MAP3K5: variants seen among roughly 807,000 people sequenced by gnomAD.
MAP3K5 encodes ASK-1.
In MAP3K5, 56 loss-of-function variants were observed where a neutral mutation model predicts 158.7. The ratio of observed to expected loss-of-function variants is 0.35; its 90% CI spans 0.28 to 0.44. MAP3K5 has a LOEUF of 0.44. MAP3K5 is among the 20% of genes least tolerant of loss of function. MAP3K5 has a pLI of 1.00. For synonymous variants in MAP3K5, 579 were observed against 601.7 expected, an observed-to-expected ratio of 0.96 and a Z score of 0.55; for missense variants, 1,294 against 1,674.8, an observed-to-expected ratio of 0.77 and a Z score of 3.97.
chr6:136,673,709 A>G (rs987177078), intron 7 of MAP3K5, among the ~76,000 whole-genome samples: 17 of 137,838 alleles, frequency 1.2e-4, no homozygotes, highest in African/African-American at 4.8e-4. Context: ...GCAGAGATAT[A>G]GAAAAAAAAA....
intron 12 of MAP3K5, among the ~76,000 whole-genome samples, chr6:136,640,846 G>T (rs796070367): frequency 3.9e-5 from 6 of 152,312 alleles, no homozygotes; most frequent in African/African-American, 1.4e-4. Context: ...TCTCTTCTTT[G>T]TGGAGGAGGA....
chr6:136,667,166 A>G (rs1779263904), intron 8 of MAP3K5, among the ~76,000 whole-genome samples: 2 of 152,040 alleles, frequency 1.3e-5, no homozygotes, highest in Admixed American at 6.5e-5. Context: ...CCTCACCTTG[A>G]GTTAAGAACA....
At chr6:136,683,791 T>C (rs555569407) in intron 7 of MAP3K5, among the ~76,000 whole-genome samples, 11 of 152,300 alleles carry the variant, frequency 7.2e-5, no homozygotes, top group Admixed American at 2.0e-4. Flanking sequence ...TCTGGAAATG[T>C]CTATTCCTGG....
intron 1 of MAP3K5, among the ~76,000 whole-genome samples, chr6:136,775,887 T>A (rs1784386053): frequency 6.6e-6 from 1 of 152,268 alleles, no homozygotes. Context: ...CTTCTTGGGC[T>A]ACTTCAAATT....
chr6:136,699,376 C>T (rs1780748452), intron 3 of MAP3K5, among the ~76,000 whole-genome samples: 1 of 152,214 alleles, frequency 6.6e-6, no homozygotes, highest in African/African-American at 2.4e-5. Context: ...CACTCTTGTC[C>T]TCTAATTTAC....
intron 10 of MAP3K5, among the ~76,000 whole-genome samples, chr6:136,652,475 G>C (rs1226707850): frequency 6.6e-6 from 1 of 152,114 alleles, no homozygotes; most frequent in African/African-American, 2.4e-5. Flanking sequence ...GACATAAGCG[G>C]TAATGATGAA....
intron 14 of MAP3K5, among the ~76,000 whole-genome samples, chr6:136,624,904 T>G (rs1776964972): frequency 6.6e-6 from 1 of 152,216 alleles, no homozygotes; most frequent in Non-Finnish European, 1.5e-5. Context: ...GGCTCTGGAT[T>G]TGGCAAGATG....
intron 18 of MAP3K5, among the ~76,000 whole-genome samples, chr6:136,605,830 G>T (rs1305782891): frequency 6.6e-6 from 1 of 152,160 alleles, no homozygotes; most frequent in Non-Finnish European, 1.5e-5. Context: ...TTCCTAAATT[G>T]AATGCTTTAA....
chr6:136,691,609 CAA>C (rs540437204), intron 7 of MAP3K5, among the ~76,000 whole-genome samples: 26,137 of 117,684 alleles, frequency 0.22, 6,139 homozygotes, highest in African/African-American at 0.58. Flanking sequence ...AGATTCGTCT[CAA>C]AAAAAAAAAA....
At chr6:136,698,169 T>G (rs1780687317) in intron 4 of MAP3K5, among the ~76,000 whole-genome samples, 1 of 152,242 alleles carries the variant, frequency 6.6e-6, no homozygotes, top group Non-Finnish European at 1.5e-5. Flanking sequence ...AAAGTTGAAT[T>G]GTTCTTGCCC....
At chr6:136,759,454 CTATATA>C (rs570186848) in intron 1 of MAP3K5, among the ~76,000 whole-genome samples, 2,078 of 98,098 alleles carry the variant, frequency 0.021, 124 homozygotes, top group African/African-American at 0.073. Flanking sequence ...TATACTAAAA[CTATATA>C]TATATATATA....
chr6:136,723,661 A>G (rs1427488903), intron 1 of MAP3K5, among the ~76,000 whole-genome samples: 1 of 152,196 alleles, frequency 6.6e-6, no homozygotes, highest in East Asian at 1.9e-4. Flanking sequence ...AGCACATAAA[A>G]ATACTGCAGA....
At chr6:136,767,850 T>C (rs538660558) in intron 1 of MAP3K5, among the ~76,000 whole-genome samples, 12 of 152,294 alleles carry the variant, frequency 7.9e-5, no homozygotes, top group African/African-American at 2.9e-4. Context: ...CATAGATCAA[T>C]GGAAATCAAA....
intron 1 of MAP3K5, among the ~76,000 whole-genome samples, chr6:136,762,196 C>T (rs902142663): frequency 5.3e-5 from 8 of 151,852 alleles, no homozygotes; most frequent in Non-Finnish European, 1.5e-5. Context: ...TCCTGATGCC[C>T]AGCCAGGGAA....
chr6:136,573,200 C>G (rs1364990636), intron 25 of MAP3K5, among the ~76,000 whole-genome samples: 1 of 152,160 alleles, frequency 6.6e-6, no homozygotes, highest in Non-Finnish European at 1.5e-5. Flanking sequence ...CACTGAGGAC[C>G]TGAATAGAAC....
intron 14 of MAP3K5, among the ~76,000 whole-genome samples, chr6:136,628,423 T>A (rs1196736605): frequency 6.6e-6 from 1 of 151,820 alleles, no homozygotes; most frequent in Admixed American, 6.6e-5. Flanking sequence ...TTTTTTTTTT[T>A]AAAGAGATGG....
intron 1 of MAP3K5, among the ~76,000 whole-genome samples, chr6:136,757,579 ATTT>A (rs776508913): frequency 0.029 from 3,285 of 111,828 alleles, 58 homozygotes; most frequent in Non-Finnish European, 0.037. Flanking sequence ...TTATTTATTT[ATTT>A]TTTATTTTTT....
chr6:136,652,675 A>C (rs574670832), intron 10 of MAP3K5, among the ~76,000 whole-genome samples: 156 of 152,334 alleles, frequency 1.0e-3, no homozygotes, highest in African/African-American at 3.7e-3. Context: ...TATACTCAAC[A>C]GAAGAAAAGA....
chr6:136,565,948 T>C (rs948493724), intron 26 of MAP3K5, among the ~76,000 whole-genome samples: 1 of 152,176 alleles, frequency 6.6e-6, no homozygotes, highest in African/African-American at 2.4e-5. Context: ...AATGTGTGGG[T>C]TGTTGTGACA....
Sources: gnomAD v4.1 joint callset for allele counts (sites outside exome capture counted in the v4.1 genomes callset) on GRCh38, gnomAD v4.1.1 for gene constraint, MANE v1.5 for transcripts, NCBI Gene and HGNC (gene_info 2026-07-23, HGNC 2026-07-21) for gene names.